The following ME3 variants were observed in gnomAD, a reference collection of about 807,000 sequenced individuals.
The protein encoded by ME3 is malic enzyme 3.
In ME3, 48 loss-of-function variants were observed where a neutral mutation model predicts 68.9. The observed-to-expected ratio is 0.70, with a 90% confidence interval of 0.55 to 0.89. The LOEUF (loss-of-function observed/expected upper bound fraction) is 0.89, where lower values mean the gene tolerates loss of function less well. ME3 is among the 40% of genes least tolerant of loss of function. ME3 has a pLI of 0.00. For missense variants in ME3, 675 were observed against 797.4 expected, an observed-to-expected ratio of 0.85 and a Z score of 1.85; for synonymous variants, 320 against 318.8, an observed-to-expected ratio of 1.00 and a Z score of -0.04.
At chr11:86,671,801 C>T (rs776396487) in exon 2 of ME3, 11 of 1,603,736 alleles carry the variant, frequency 6.9e-6, no homozygotes, top group Admixed American at 3.4e-5. Flanking sequence ...CGTATCCGCG[C>T]TTCTTCAGGG....
intron 8 of ME3, among the ~76,000 whole-genome samples, chr11:86,455,988 T>C (rs1055563165): frequency 3.3e-5 from 5 of 152,230 alleles, no homozygotes; most frequent in African/African-American, 1.2e-4. Flanking sequence ...AGTCCACTTA[T>C]TATGTGGCAC....
chr11:86,582,318 A>G (rs1958485712), intron 2 of ME3, among the ~76,000 whole-genome samples: 1 of 152,230 alleles, frequency 6.6e-6, no homozygotes, highest in Non-Finnish European at 1.5e-5. Flanking sequence ...TGAAACTTAC[A>G]TTTAAAATTA....
intron 13 of ME3, among the ~76,000 whole-genome samples, chr11:86,445,226 C>T (rs909477500): frequency 3.3e-5 from 5 of 152,206 alleles, no homozygotes; most frequent in Non-Finnish European, 7.3e-5. Context: ...ACAAGAGGAA[C>T]AGAGAACTGT....
chr11:86,479,822 CTTTTTTTTTT>C (rs1268461098), intron 7 of ME3, among the ~76,000 whole-genome samples: 2 of 147,358 alleles, frequency 1.4e-5, no homozygotes, highest in African/African-American at 5.0e-5. Flanking sequence ...TTTTTTCTTT[CTTTTTTTTTT>C]GAGATGGAAT....
intron 2 of ME3, among the ~76,000 whole-genome samples, chr11:86,597,294 T>C (rs1292132679): frequency 6.6e-6 from 1 of 152,256 alleles, no homozygotes; most frequent in Admixed American, 6.5e-5. Context: ...GCAGTGAGCT[T>C]CTGGCCCAGA....
intron 2 of ME3, among the ~76,000 whole-genome samples, chr11:86,658,513 TTAA>T (rs1209738646): frequency 6.6e-6 from 1 of 152,128 alleles, no homozygotes; most frequent in Non-Finnish European, 1.5e-5. Flanking sequence ...GTTATTATTT[TTAA>T]TGTGATTGTG....
At chr11:86,548,796 G>A (rs1193607415) in intron 4 of ME3, among the ~76,000 whole-genome samples, 1 of 152,122 alleles carries the variant, frequency 6.6e-6, no homozygotes, top group Non-Finnish European at 1.5e-5. Context: ...TATAGGTCAC[G>A]CTACTAGTTC....
At chr11:86,565,601 A>G (rs999844490) in intron 2 of ME3, among the ~76,000 whole-genome samples, 2 of 152,240 alleles carry the variant, frequency 1.3e-5, no homozygotes, top group Non-Finnish European at 2.9e-5. Flanking sequence ...TGAAAACACT[A>G]TGCTAAGTAA....
chr11:86,500,444 A>G (rs1952650016), intron 5 of ME3, among the ~76,000 whole-genome samples: 1 of 152,214 alleles, frequency 6.6e-6, no homozygotes, highest in South Asian at 2.1e-4. Flanking sequence ...TACCATGGTT[A>G]TAGTTGAGTT....
intron 2 of ME3, among the ~76,000 whole-genome samples, chr11:86,626,456 C>T (rs1163286360): frequency 6.6e-6 from 1 of 152,214 alleles, no homozygotes; most frequent in Non-Finnish European, 1.5e-5. Context: ...GTCTCATAGA[C>T]ACCTTCACCA....
intron 4 of ME3, 96 bp from the exon 5 acceptor site, chr11:86,508,963 T>G: frequency 9.9e-7 from 1 of 1,010,904 alleles, no homozygotes; most frequent in Non-Finnish European, 1.5e-6. Flanking sequence ...TAATTAAATT[T>G]GCCCATAGAC....
At position 86,602,014 on chromosome 11, in the gene ME3, A is replaced by T. The variant is rs1183643388; in HGVS notation, c.184-42191T>A. On this transcript the variant is annotated intron_variant, in intron 2 of 14. Coordinates refer to ENST00000543262, the Ensembl canonical transcript of ME3. ...CCAATATCATACTGAATGGGCAAAA[A>T]CTGGAAGCATTCCCTTTGAAAACTG... is the stretch of plus-strand genomic sequence containing the variant. 1.2e-4 allele frequency among the ~76,000 whole-genome samples: 18 copies of T among 148,368 alleles called. No homozygotes were observed. The South Asian group carries it at 3.8e-3, about 31-fold the overall frequency.
At chr11:86,616,978 G>A (rs1237483180) in intron 2 of ME3, among the ~76,000 whole-genome samples, 4 of 148,930 alleles carry the variant, frequency 2.7e-5, no homozygotes, top group African/African-American at 9.8e-5. Context: ...ACTGGGTAAG[G>A]GGTATACATG....
chr11:86,571,244 T>C (rs184867375), intron 2 of ME3, among the ~76,000 whole-genome samples: 16 of 152,340 alleles, frequency 1.1e-4, no homozygotes, highest in Non-Finnish European at 1.9e-4. Context: ...ATTCAATAAA[T>C]AAATGGATGG....
intron 2 of ME3, among the ~76,000 whole-genome samples, chr11:86,588,346 A>G (rs1490975419): frequency 6.6e-6 from 1 of 152,236 alleles, no homozygotes; most frequent in Non-Finnish European, 1.5e-5. Context: ...ATAACAAGTA[A>G]TATAACAAGC....
At chr11:86,539,161 C>T (rs185314595) in intron 4 of ME3, among the ~76,000 whole-genome samples, 4 of 152,166 alleles carry the variant, frequency 2.6e-5, no homozygotes, top group Non-Finnish European at 5.9e-5. Flanking sequence ...GTGTCCCTTA[C>T]ACTCCCAATC....
intron 7 of ME3, among the ~76,000 whole-genome samples, chr11:86,479,893 C>T (rs1259222067): frequency 6.6e-6 from 1 of 151,646 alleles, no homozygotes; most frequent in African/African-American, 2.4e-5. Context: ...CAGCTCACTG[C>T]AACCTCCACC....
intron 8 of ME3, among the ~76,000 whole-genome samples, chr11:86,455,408 A>G (rs1216074307): frequency 6.6e-6 from 1 of 152,248 alleles, no homozygotes; most frequent in African/African-American, 2.4e-5. Flanking sequence ...TGGTAACAAA[A>G]TAGACCAAGC....
At chr11:86,661,751 C>G (rs939559971) in intron 2 of ME3, among the ~76,000 whole-genome samples, 19 of 152,202 alleles carry the variant, frequency 1.2e-4, no homozygotes, top group Non-Finnish European at 2.2e-4. Context: ...CTCGTTACAT[C>G]TAACCACTGA....
Sources: gnomAD v4.1 joint callset for allele counts (sites outside exome capture counted in the v4.1 genomes callset) on GRCh38, gnomAD v4.1.1 for gene constraint, MANE v1.5 for transcripts, NCBI Gene and HGNC (gene_info 2026-07-23, HGNC 2026-07-21) for gene names.